The following COL4A1 variants were observed in gnomAD, a reference collection of about 807,000 sequenced individuals.
COL4A1 encodes the protein collagen type IV alpha 1 chain.
COL4A1 carries 40 observed loss-of-function variants against 216.6 expected under a neutral mutation model. The observed-to-expected ratio is 0.18, with a 90% confidence interval of 0.14 to 0.24. COL4A1 has a LOEUF of 0.24. Among genes scored for constraint, COL4A1 ranks in the 10% least tolerant of loss-of-function variants. COL4A1 has a pLI of 1.00. For missense variants in COL4A1, 1,628 were observed against 2,196.8 expected, an observed-to-expected ratio of 0.74 and a Z score of 5.18; for synonymous variants, 839 against 810.7, an observed-to-expected ratio of 1.03 and a Z score of -0.59.
At chr13:110,272,709 C>T (rs61963356) in intron 1 of COL4A1, among the ~76,000 whole-genome samples, 1 of 152,130 alleles carries the variant, frequency 6.6e-6, no homozygotes, top group Non-Finnish European at 1.5e-5. Flanking sequence ...TTGCCTAATC[C>T]TTTTCTTGCC....
chr13:110,181,687 C>T lies in COL4A1; in HGVS notation c.2096-298G>A, dbSNP rs556918585. ...ACTCTCCCCAAACAAAACAAATATA[C>T]CCCTTGGCGCCTGCAGGTGAGAAGG... On this transcript the variant is annotated intron_variant, in intron 28 of 51. Coordinates refer to ENST00000375820, the MANE Select transcript of COL4A1 (RefSeq NM_001845.6). Among the ~76,000 whole-genome samples, 5 of 152,254 alleles carry T rather than the reference C, an allele frequency of 3.3e-5. No homozygotes were observed. In the South Asian group the frequency reaches 6.2e-4, roughly 19 times the overall value.
At chr13:110,253,719 G>A (rs60019228) in intron 1 of COL4A1, among the ~76,000 whole-genome samples, 3,768 of 122,692 alleles carry the variant, frequency 0.031, 473 homozygotes, top group Non-Finnish European at 0.047. Context: ...TTACATATAC[G>A]TATAATTATA....
rs60069761 is a variant in COL4A1, at chr13:110,307,040, G to C, written c.-13C>G. The C allele has an allele frequency of 3.5e-4, 517 of 1,456,354 alleles. 2 individuals carry two copies. The highest frequency in any genetic ancestry group is 1.2e-3 in the Middle Eastern group (5 of 4,160). The allele number at this position is 1,456,354 out of a possible 1,614,324, so 90.2% of individuals were successfully genotyped here. A position where few individuals can be genotyped will look rare whatever the true frequency, so the allele number is the denominator to read the frequency against. On this transcript the variant is annotated 5_prime_UTR_variant, in exon 1 of 52. Transcript: ENST00000375820. The surrounding 1 kb of genome is among the most constrained non-coding windows in gnomAD (Gnocchi z 5.0). The stretch of plus-strand genomic sequence containing the variant: ...GCCGGGGCCCCATGGTGGCGCGCCC[G>C]AGGCGGCGAGGGACGGCTGCCCGGC...
In COL4A1 at chr13:110,181,339, G is replaced by A; in HGVS notation, c.2146C>T (p.Pro716Ser). Residue 716 changes from proline to serine, a missense_variant, in exon 29 of 52, where the codon CCG (proline) becomes TCG (serine). Around this residue, in one of 8 missense-constraint regions of COL4A1, gnomAD observed 701 missense variants for 892.5 expected, o/e 0.79. Transcript: ENST00000375820. ...TTCCCAGGTAAGCCATTAAATCCCGGGCGACCTGGAGTCCCCGGTGGCCCC... is the reference window on the plus strand; with the variant it reads ...TTCCCAGGTAAGCCATTAAATCCCGAGCGACCTGGAGTCCCCGGTGGCCCC... ...DMGPPGTPGR[P>S]GFNGLPGNPG... 1.9e-6 allele frequency: 3 copies of A among 1,613,954 alleles called. No homozygotes were observed. The highest frequency in any genetic ancestry group is 2.5e-6 in the Non-Finnish European group (3 of 1,179,942).
At chr13:110,150,594 G>A (rs1876457236) in intron 51 of COL4A1, 150 bp from the exon 52 acceptor site, 1 of 769,884 alleles carries the variant, frequency 1.3e-6, no homozygotes, top group South Asian at 1.5e-5. Context: ...GCAGGCAGGT[G>A]CTGGGTGCAG....
chr13:110,292,055 G>C (rs1006458466), intron 1 of COL4A1, among the ~76,000 whole-genome samples: 2 of 152,180 alleles, frequency 1.3e-5, no homozygotes, highest in Non-Finnish European at 2.9e-5. Flanking sequence ...CGCCAAAACT[G>C]TCTTTCCGAC....
chr13:110,170,484 G>A (rs978771281), intron 42 of COL4A1, 63 bp downstream of exon 42: 12 of 1,495,908 alleles, frequency 8.0e-6, no homozygotes, highest in South Asian at 3.6e-5. Context: ...TTTCTTTTAC[G>A]CTATTTCCTT....
intron 1 of COL4A1, among the ~76,000 whole-genome samples, chr13:110,243,009 T>C (rs1439926244): frequency 6.6e-6 from 1 of 152,274 alleles, no homozygotes; most frequent in African/African-American, 2.4e-5. Flanking sequence ...CTATACTTTT[T>C]GCCCTTTGTT....
intron 11 of COL4A1, 50 bp downstream of exon 11, chr13:110,209,342 T>C: frequency 1.3e-6 from 2 of 1,556,718 alleles, no homozygotes; most frequent in Non-Finnish European, 8.8e-7. Flanking sequence ...AGCAATTTCA[T>C]GATAGCCTTA....
intron 20 of COL4A1, among the ~76,000 whole-genome samples, chr13:110,199,710 G>C (rs1047667444): frequency 6.6e-6 from 1 of 152,190 alleles, no homozygotes; most frequent in Non-Finnish European, 1.5e-5. Flanking sequence ...AGCGACTTTG[G>C]GAGGGGGACG....
intron 1 of COL4A1, among the ~76,000 whole-genome samples, chr13:110,295,056 T>C (rs1279041030): frequency 1.3e-5 from 2 of 152,202 alleles, no homozygotes; most frequent in South Asian, 2.1e-4. Flanking sequence ...ACAAAAGCCA[T>C]AATGTCCTAG....
chr13:110,290,546 A>G (rs1884042923), intron 1 of COL4A1, among the ~76,000 whole-genome samples: 1 of 152,020 alleles, frequency 6.6e-6, no homozygotes, highest in Non-Finnish European at 1.5e-5. Context: ...TTTGGACTCT[A>G]GCTTCACTCG....
At position 110,198,638 on chromosome 13, in the gene COL4A1, C is replaced by A. The variant is rs1378557335; in HGVS notation, c.1121-7G>T. On this transcript the variant is annotated splice_region_variant and splice_polypyrimidine_tract_variant and intron_variant, in intron 20 of 51. Coordinates refer to ENST00000375820, the MANE Select transcript of COL4A1 (RefSeq NM_001845.6). ...TGCCCAGGTACAGGGAGGCCTGCAA[C>A]CAGACAGAAGCTCACATCAGTAACC... The A allele has an allele frequency of 1.9e-6, 3 of 1,613,940 alleles. No individual in the cohort carries two copies. The highest frequency in any genetic ancestry group is 3.3e-5 in the Admixed American group (2 of 60,028).
In COL4A1 at chr13:110,192,843, G is replaced by T. The variant is rs769004525; in HGVS notation, c.1452C>A (p.Pro484=). ...GYRGPPGPQG[P]PGEIGFPGQP... ...TGTGGGTCTTACCTATTTCTCCCGGGGGTCCCTGTGGCCCGGGAGGCCCCC... is the reference window on the plus strand; with the variant it reads ...TGTGGGTCTTACCTATTTCTCCCGGTGGTCCCTGTGGCCCGGGAGGCCCCC... The change falls in exon 23 of 52, where the codon CCC becomes CCA. Residue 484 remains proline, a synonymous_variant. Coordinates refer to ENST00000375820, the MANE Select transcript of COL4A1 (RefSeq NM_001845.6). 2 of 1,613,912 alleles carry T rather than the reference G, an allele frequency of 1.2e-6. No homozygotes were observed. Among genetic ancestry groups the T allele is most frequent in the Admixed American group, 1.7e-5 (1 of 60,010 alleles).
intron 21 of COL4A1, among the ~76,000 whole-genome samples, chr13:110,195,627 A>G (rs185589900): frequency 7.2e-5 from 11 of 152,320 alleles, no homozygotes; most frequent in African/African-American, 2.6e-4. Flanking sequence ...TTCACATTCA[A>G]TTCTGAGCAT....
At chr13:110,244,303 A>C (rs1292634078) in intron 1 of COL4A1, among the ~76,000 whole-genome samples, 1 of 152,186 alleles carries the variant, frequency 6.6e-6, no homozygotes, top group East Asian at 1.9e-4. Context: ...TCTCAATTTT[A>C]TATTTTGGAA....
chr13:110,161,229 G>T lies in COL4A1; in HGVS notation c.4603C>A (p.Pro1535Thr). The T allele has an allele frequency of 6.2e-7, 1 of 1,614,194 alleles. No homozygotes were observed. The highest frequency in any genetic ancestry group is 8.5e-7 in the Non-Finnish European group (1 of 1,180,042). ...TPEPMPMSMA[P>T]ITGENIRPFI... ...GGTCTTATGTTTTCCCCCGTGATGGGTGCCATTGACATGGGCATGGGCTCA... is the reference window on the plus strand; with the variant it reads ...GGTCTTATGTTTTCCCCCGTGATGGTTGCCATTGACATGGGCATGGGCTCA... The change falls in exon 49 of 52, where the codon CCC (proline) becomes ACC (threonine). Residue 1535 changes from proline to threonine, a missense_variant. Transcript: ENST00000375820.
intron 24 of COL4A1, among the ~76,000 whole-genome samples, chr13:110,189,430 T>C (rs1878538152): frequency 6.6e-6 from 1 of 152,238 alleles, no homozygotes. Flanking sequence ...GGCACTGACG[T>C]AGCACGCTCC....
At chr13:110,303,191 C>T (rs1884561140) in intron 1 of COL4A1, among the ~76,000 whole-genome samples, 1 of 152,060 alleles carries the variant, frequency 6.6e-6, no homozygotes, top group Non-Finnish European at 1.5e-5. Flanking sequence ...TGTGAATTCC[C>T]TCATGGCCTG....
Sources: allele counts gnomAD v4.1 joint callset (sites outside exome capture counted in the v4.1 genomes callset), GRCh38; gene constraint gnomAD v4.1.1; regional missense constraint gnomAD v4.1.1; non-coding constraint Gnocchi (gnomAD v3.1); transcripts MANE v1.5; gene names NCBI Gene and HGNC (gene_info 2026-07-23, HGNC 2026-07-21).